GNA14: variants seen among roughly 807,000 people sequenced by gnomAD.
The protein encoded by GNA14 is guanine nucleotide-binding protein subunit alpha-14.
Under a neutral mutation model 42.0 loss-of-function variants are expected in GNA14, and 50 were observed. The ratio of observed to expected loss-of-function variants is 1.19; its 90% CI spans 0.95 to 1.51. The LOEUF (loss-of-function observed/expected upper bound fraction) is 1.51, where lower values mean the gene tolerates loss of function less well. Ranked by LOEUF, GNA14 falls within the 40% of genes most tolerant of loss-of-function variation. The pLI, the probability that GNA14 is intolerant of heterozygous loss-of-function variation, is 0.00. For missense variants in GNA14, 473 were observed against 446.2 expected, an observed-to-expected ratio of 1.06 and a Z score of -0.54; for synonymous variants, 173 against 163.1, an observed-to-expected ratio of 1.06 and a Z score of -0.46.
At chr9:77,490,738 A>G (rs1469230944) in intron 2 of GNA14, among the ~76,000 whole-genome samples, 4 of 152,194 alleles carry the variant, frequency 2.6e-5, no homozygotes, top group Admixed American at 2.6e-4. Flanking sequence ...CGCCTCACAC[A>G]GCCCCGGTTC....
chr9:77,540,523 T>C (rs1837646591), intron 1 of GNA14, among the ~76,000 whole-genome samples: 1 of 152,182 alleles, frequency 6.6e-6, no homozygotes, highest in Non-Finnish European at 1.5e-5. Flanking sequence ...CAATGTTTCT[T>C]TGTTGATTTT....
At chr9:77,544,722 A>G (rs914829491) in intron 1 of GNA14, among the ~76,000 whole-genome samples, 3 of 151,660 alleles carry the variant, frequency 2.0e-5, no homozygotes, top group African/African-American at 7.3e-5. Flanking sequence ...GCTCACTGTC[A>G]TCTCTAAGAG....
chr9:77,577,850 C>A (rs557337647), intron 1 of GNA14, among the ~76,000 whole-genome samples: 1 of 152,150 alleles, frequency 6.6e-6, no homozygotes, highest in South Asian at 2.1e-4. Flanking sequence ...ACAAAGAAAT[C>A]ATAAATACTC....
chr9:77,575,703 ATCTC>A, intron 1 of GNA14, among the ~76,000 whole-genome samples: 1 of 152,224 alleles, frequency 6.6e-6, no homozygotes, highest in Non-Finnish European at 1.5e-5. Flanking sequence ...ACGTAAATCC[ATCTC>A]ATCTCCTACA....
chr9:77,541,051 G>A (rs183245232), intron 1 of GNA14, among the ~76,000 whole-genome samples: 2 of 152,032 alleles, frequency 1.3e-5, no homozygotes, highest in Admixed American at 6.5e-5. Context: ...TGTCATTGTG[G>A]TTTGGTAATT....
chr9:77,617,555 C>T (rs1823843101), intron 1 of GNA14, among the ~76,000 whole-genome samples: 1 of 152,134 alleles, frequency 6.6e-6, no homozygotes, highest in African/African-American at 2.4e-5. Context: ...CTTCCTGCCT[C>T]CACCATTACC....
At chr9:77,502,061 T>G (rs545352170) in intron 2 of GNA14, among the ~76,000 whole-genome samples, 37 of 152,310 alleles carry the variant, frequency 2.4e-4, no homozygotes, top group Non-Finnish European at 2.4e-4. Flanking sequence ...TCTCTGTCTC[T>G]CTATGTTCTG....
chr9:77,531,659 G>A (rs1837530639), intron 1 of GNA14, among the ~76,000 whole-genome samples: 1 of 152,154 alleles, frequency 6.6e-6, no homozygotes, highest in African/African-American at 2.4e-5. Flanking sequence ...AAGACAGGCT[G>A]TGGTTTTGGT....
chr9:77,549,224 G>T (rs568264547), intron 1 of GNA14, among the ~76,000 whole-genome samples: 1 of 152,220 alleles, frequency 6.6e-6, no homozygotes, highest in African/African-American at 2.4e-5. Flanking sequence ...GTGAGCCACC[G>T]TGCCCAGCCA....
At chr9:77,459,895 C>T (rs907607467) in intron 2 of GNA14, among the ~76,000 whole-genome samples, 16 of 152,176 alleles carry the variant, frequency 1.1e-4, no homozygotes, top group South Asian at 4.1e-4. Flanking sequence ...CTGCCCATCC[C>T]GCTACCCCAC....
intron 2 of GNA14, among the ~76,000 whole-genome samples, chr9:77,448,686 A>G (rs922152369): frequency 1.3e-5 from 2 of 152,202 alleles, no homozygotes; most frequent in Admixed American, 6.5e-5. Context: ...TCATTCATTC[A>G]TCAGGCATGC....
chr9:77,546,682 T>C (rs1041021029), intron 1 of GNA14, among the ~76,000 whole-genome samples: 1 of 152,226 alleles, frequency 6.6e-6, no homozygotes, highest in African/African-American at 2.4e-5. Flanking sequence ...AATTTTTCAA[T>C]GTATCTCTTA....
chr9:77,540,151 A>T (rs1837641010), intron 1 of GNA14, among the ~76,000 whole-genome samples: 1 of 152,146 alleles, frequency 6.6e-6, no homozygotes, highest in African/African-American at 2.4e-5. Context: ...TGTATCCCAC[A>T]GGTTTTGGTA....
At chr9:77,568,324 C>A (rs2131794273) in intron 1 of GNA14, among the ~76,000 whole-genome samples, 1 of 151,900 alleles carries the variant, frequency 6.6e-6, no homozygotes, top group African/African-American at 2.4e-5. Flanking sequence ...TAGAATCTCC[C>A]TCTACTAAAA....
At chr9:77,523,853 C>T (rs1279500393) in intron 2 of GNA14, among the ~76,000 whole-genome samples, 4 of 152,160 alleles carry the variant, frequency 2.6e-5, no homozygotes, top group Admixed American at 2.0e-4. Context: ...TCTGTATCTA[C>T]ATCATGCAAG....
At chr9:77,591,003 A>C (rs1037146187) in intron 1 of GNA14, among the ~76,000 whole-genome samples, 1 of 152,202 alleles carries the variant, frequency 6.6e-6, no homozygotes, top group African/African-American at 2.4e-5. Context: ...GGAATAAAGA[A>C]CCACGGGTCA....
At chr9:77,431,589 G>T in intron 3 of GNA14, 140 bp from the exon 4 acceptor site, 1 of 692,014 alleles carries the variant, frequency 1.4e-6, no homozygotes, top group Non-Finnish European at 2.4e-6. Context: ...CTGAGAGCCA[G>T]TGCCAGGCCA....
At chr9:77,552,863 C>T (rs1837802615) in intron 1 of GNA14, among the ~76,000 whole-genome samples, 1 of 152,192 alleles carries the variant, frequency 6.6e-6, no homozygotes, top group Non-Finnish European at 1.5e-5. Flanking sequence ...AACTTATTTT[C>T]CATCCAGCGT....
chr9:77,495,875 T>C (rs564991325), intron 2 of GNA14, among the ~76,000 whole-genome samples: 37 of 152,234 alleles, frequency 2.4e-4, no homozygotes, highest in Non-Finnish European at 5.0e-4. Context: ...AAAGAAAGGC[T>C]ACTTGCTCTA....
Sources: allele counts gnomAD v4.1 joint callset (sites outside exome capture counted in the v4.1 genomes callset), GRCh38; gene constraint gnomAD v4.1.1; transcripts MANE v1.5; gene names NCBI Gene and HGNC (gene_info 2026-07-23, HGNC 2026-07-21).